CNTLN: variants seen among roughly 807,000 people sequenced by gnomAD.
CNTLN encodes the protein centlein, also known as centlein, centrosomal protein.
A neutral mutation model predicts 180.0 loss-of-function variants in CNTLN; 212 were observed. The ratio of observed to expected loss-of-function variants is 1.18; its 90% CI spans 1.05 to 1.32. CNTLN has a LOEUF of 1.32. CNTLN is among the 40% of genes most tolerant of loss of function. The probability of loss-of-function intolerance (pLI) is 0.00; values close to 1 mark genes in which losing one functional copy is unlikely to be tolerated. For missense variants in CNTLN, 2,095 were observed against 1,610.9 expected (o/e 1.30, Z -5.14); for synonymous variants, 722 against 563.1 (o/e 1.28, Z -3.99).
chr9:17,395,214 G>A, intron 15 of CNTLN, 145 bp downstream of exon 15: 1 of 1,268,202 alleles, frequency 7.9e-7, no homozygotes, highest in Non-Finnish European at 1.0e-6. Context: ...GGGAGGTCTT[G>A]TTCTGAGCTT....
chr9:17,428,893 G>A (rs1829247187), intron 18 of CNTLN, among the ~76,000 whole-genome samples: 1 of 151,758 alleles, frequency 6.6e-6, no homozygotes, highest in South Asian at 2.1e-4. Context: ...TTAATCATTG[G>A]ATGACCTTTG....
At chr9:17,260,290 G>A (rs1409642163) in intron 5 of CNTLN, among the ~76,000 whole-genome samples, 3 of 150,522 alleles carry the variant, frequency 2.0e-5, no homozygotes, top group Admixed American at 1.3e-4. Context: ...GCGGTTTTGA[G>A]TGAGTTTCTT....
At chr9:17,143,722 T>G (rs2131443185) in intron 2 of CNTLN, among the ~76,000 whole-genome samples, 1 of 152,342 alleles carries the variant, frequency 6.6e-6, no homozygotes, top group East Asian at 1.9e-4. Context: ...GGACTGCCTC[T>G]ATAGGGAACT....
chr9:17,388,337 T>A, intron 14 of CNTLN, 84 bp downstream of exon 14: 1 of 886,124 alleles, frequency 1.1e-6, no homozygotes, highest in Non-Finnish European at 1.8e-6. Flanking sequence ...CGAGGGCTTG[T>A]AAATGTAAAC....
At chr9:17,493,918 G>T (rs1393798518) in intron 25 of CNTLN, among the ~76,000 whole-genome samples, 2 of 152,178 alleles carry the variant, frequency 1.3e-5, no homozygotes, top group Non-Finnish European at 2.9e-5. Context: ...CAGAAGACCT[G>T]GGGTTGCGTT....
Position 17,135,046 on chromosome 9 carries a change from AC to A in CNTLN, c.-17del. On this transcript the variant is annotated 5_prime_UTR_variant, in exon 1 of 26. Transcript: ENST00000380647. ...GGTGGAGTTTCCAACAGGGAACTTGACCCGTTAGCAGCCGCAGCCATGGCGG... is the reference window on the plus strand; with the variant it reads ...GGTGGAGTTTCCAACAGGGAACTTGACCGTTAGCAGCCGCAGCCATGGCGG... 1 of 1,586,276 alleles carries A rather than the reference AC, an allele frequency of 6.3e-7. No individual in the cohort carries two copies. Among genetic ancestry groups the A allele is most frequent in the Non-Finnish European group, 8.5e-7 (1 of 1,172,532 alleles).
chr9:17,411,739 T>C (rs1431685185), intron 16 of CNTLN, among the ~76,000 whole-genome samples: 1 of 152,176 alleles, frequency 6.6e-6, no homozygotes, highest in African/African-American at 2.4e-5. Context: ...TAATGCCTGA[T>C]GATCTGAGGT....
At chr9:17,264,703 T>C (rs1827274750) in intron 5 of CNTLN, among the ~76,000 whole-genome samples, 1 of 151,468 alleles carries the variant, frequency 6.6e-6, no homozygotes, top group South Asian at 2.1e-4. Flanking sequence ...ATTTGTATCC[T>C]CTTTTATTTC....
At chr9:17,505,525 A>C (rs72711558), downstream of CNTLN, among the ~76,000 whole-genome samples, 1,081 of 152,324 alleles carry the variant, frequency 7.1e-3, 6 homozygotes, top group East Asian at 0.011. Flanking sequence ...TTAAAAATAC[A>C]ATACAATGTA....
chr9:17,357,564 T>TAC (rs1169888838), intron 12 of CNTLN, among the ~76,000 whole-genome samples: 4 of 144,218 alleles, frequency 2.8e-5, no homozygotes, highest in African/African-American at 1.0e-4. Flanking sequence ...GTACCATGTA[T>TAC]ATATATAAAT....
chr9:17,517,360 C>G, the CNTLN span, among the ~76,000 whole-genome samples: 1 of 150,678 alleles, frequency 6.6e-6, no homozygotes, highest in Non-Finnish European at 1.5e-5. Context: ...CCCCTGCACT[C>G]CAGCCTGGGC....
rs566784972 is a variant in CNTLN at position 17,342,364 on chromosome 9, A to G, written c.1806A>G (p.Gln602=). ...AAATAAAGAGAGCAGATCCCCAACA[A>G]CTTCGACAAGAAGATTCTGACGCTG... is the stretch of plus-strand genomic sequence containing the variant. ...IRKIKRADPQ[Q]LRQEDSDAVW... The change falls in exon 12 of 26, where the codon CAA becomes CAG. Residue 602 remains glutamine, a synonymous_variant. Transcript: ENST00000380647. The G allele has an allele frequency of 3.7e-5, 60 of 1,612,342 alleles. No homozygotes were observed. The highest frequency in any genetic ancestry group is 4.7e-5 in the Non-Finnish European group (56 of 1,179,272).
At chr9:17,210,526 G>A (rs543616185) in intron 2 of CNTLN, among the ~76,000 whole-genome samples, 4 of 152,246 alleles carry the variant, frequency 2.6e-5, no homozygotes, top group African/African-American at 9.6e-5. Context: ...GTGAACATAC[G>A]TGTGCATGTG....
At chr9:17,435,753 G>T (rs2134008464) in intron 18 of CNTLN, among the ~76,000 whole-genome samples, 1 of 152,234 alleles carries the variant, frequency 6.6e-6, no homozygotes. Flanking sequence ...AGTAGAGACA[G>T]GGTTTCACCA....
In CNTLN at chr9:17,298,841, G is replaced by C. The variant is rs549060413; in HGVS notation, c.1146+489G>C. 58 of 985,696 alleles carry C rather than the reference G, an allele frequency of 5.9e-5. No homozygotes were observed. The South Asian group carries it at 2.4e-3, about 42-fold the overall frequency. 61.1% of individuals were successfully genotyped at this position (985,696 alleles called of 1,614,324 possible). ...TGTTTATTTTGTGTGTTTCTGTTCA[G>C]TAGTCTTTTACTTTACAGTTGTTTT... On this transcript the variant is annotated intron_variant, in intron 7 of 25. Coordinates refer to ENST00000380647, the MANE Select transcript of CNTLN (RefSeq NM_017738.4).
At chr9:17,343,190 T>C (rs1296389857) in intron 12 of CNTLN, among the ~76,000 whole-genome samples, 1 of 152,232 alleles carries the variant, frequency 6.6e-6, no homozygotes, top group Non-Finnish European at 1.5e-5. Flanking sequence ...ATATTCAGCC[T>C]GGCAAAGAAA....
At chr9:17,176,155 G>A (rs968523358) in intron 2 of CNTLN, among the ~76,000 whole-genome samples, 3 of 152,024 alleles carry the variant, frequency 2.0e-5, no homozygotes, top group African/African-American at 7.2e-5. Flanking sequence ...TAAGAGTGGT[G>A]AGAGTGGCCA....
At chr9:17,274,470 T>TATC (rs1322534430) in intron 6 of CNTLN, among the ~76,000 whole-genome samples, 1 of 144,798 alleles carries the variant, frequency 6.9e-6, no homozygotes, top group African/African-American at 2.6e-5. Flanking sequence ...TCTATCTATC[T>TATC]ATCTATCTAT....
chr9:17,181,559 A>G (rs1004691540), intron 2 of CNTLN, among the ~76,000 whole-genome samples: 18 of 152,242 alleles, frequency 1.2e-4, no homozygotes, highest in Non-Finnish European at 1.5e-5. Context: ...AATTCAAGAT[A>G]TTCCTGGTTC....
Sources: allele counts gnomAD v4.1 joint callset (sites outside exome capture counted in the v4.1 genomes callset), GRCh38; gene constraint gnomAD v4.1.1; transcripts MANE v1.5; gene names NCBI Gene and HGNC (gene_info 2026-07-23, HGNC 2026-07-21).